TG: variants seen among roughly 807,000 people sequenced by gnomAD.
TG encodes thyroglobulin.
TG carries 270 observed loss-of-function variants against 324.7 expected under a neutral mutation model. That is an observed-to-expected ratio of 0.83 (90% CI 0.75 to 0.92). The LOEUF is 0.92. TG is among the 40% of genes least tolerant of loss of function. The pLI, the probability that TG is intolerant of heterozygous loss-of-function variation, is 0.00. For missense variants in TG, 3,591 were observed against 3,456.4 expected (o/e 1.04, Z -0.98); for synonymous variants, 1,401 against 1,327.0 (o/e 1.06, Z -1.21).
chr8:133,007,036 T>C (rs1287641676), intron 35 of TG, among the ~76,000 whole-genome samples: 1 of 152,186 alleles, frequency 6.6e-6, no homozygotes, highest in African/African-American at 2.4e-5. Context: ...CAGGGAGATA[T>C]TTGTTGAAGT....
rs1467203432 is a variant in TG, at chr8:132,911,495, A to G, written c.4121A>G (p.Asp1374Gly). ...GTTACATGGAAATCACGGCTTGAGG[A>G]CATCCCAGTGGCTTCTCTTCCTGAC... is the stretch of plus-strand genomic sequence containing the variant. The part of the protein sequence containing the change: ...VNVTWKSRLE[D>G]IPVASLPDLH... Residue 1374 changes from aspartate (D) to glycine (G), a missense_variant, in exon 19 of 48, where the codon GAC (aspartate) becomes GGC (glycine). Physicochemically the swap from Asp to Gly is moderately conservative, Grantham distance 94. Transcript: ENST00000220616. The G allele has an allele frequency of 6.2e-7, 1 of 1,614,116 alleles. No individual in the cohort carries two copies. Among genetic ancestry groups the G allele is most frequent in the Non-Finnish European group, 8.5e-7 (1 of 1,180,010 alleles).
chr8:132,878,257 G>T (rs1049485790), intron 5 of TG, among the ~76,000 whole-genome samples: 1 of 152,138 alleles, frequency 6.6e-6, no homozygotes, highest in African/African-American at 2.4e-5. Flanking sequence ...TGCCACAGGG[G>T]ACCATCTGAC....
chr8:133,025,690 T>G (rs1217092764), intron 40 of TG, among the ~76,000 whole-genome samples: 2 of 152,158 alleles, frequency 1.3e-5, no homozygotes, highest in Admixed American at 1.3e-4. Flanking sequence ...ACAGGATCAT[T>G]TTGTTGCCCT....
At chr8:133,021,761 T>C (rs759538983) in intron 39 of TG, among the ~76,000 whole-genome samples, 11 of 152,194 alleles carry the variant, frequency 7.2e-5, no homozygotes, top group Non-Finnish European at 1.5e-4. Flanking sequence ...GACTTCATTT[T>C]ACCTTAATTA....
chr8:133,119,772 G>T (rs761435764), intron 45 of TG, among the ~76,000 whole-genome samples: 3 of 152,198 alleles, frequency 2.0e-5, no homozygotes, highest in Admixed American at 6.5e-5. Context: ...AGGACAAGCA[G>T]CTGGTTAGTT....
intron 41 of TG, among the ~76,000 whole-genome samples, chr8:133,043,456 A>G (rs1294729466): frequency 2.0e-5 from 3 of 152,108 alleles, no homozygotes; most frequent in Non-Finnish European, 4.4e-5. Flanking sequence ...CTGGCTGCTA[A>G]GTTTTCGGAT....
chr8:132,927,725 C>A (rs1822084970), intron 22 of TG, among the ~76,000 whole-genome samples: 1 of 152,146 alleles, frequency 6.6e-6, no homozygotes, highest in Non-Finnish European at 1.5e-5. Flanking sequence ...GTATTTTTGG[C>A]AGAATTTAAT....
rs1564071169 is a variant in TG, at chr8:133,011,960, A to C, written c.6322A>C (p.Arg2108=). The change falls in exon 36 of 48, where the codon AGG becomes CGG. Residue 2108 remains arginine (R), a synonymous_variant. Transcript: ENST00000220616. ...TTCAGTGGTTGTTGATCCATCCATT[A>C]GGCACTTTGATGTTGCCCATGTCAG... ...LSSVVVDPSI[R]HFDVAHVSTA... is the part of the protein sequence containing the mutation. The C allele has an allele frequency of 6.2e-7, 1 of 1,614,156 alleles. No homozygotes were observed. The highest frequency in any genetic ancestry group is 2.2e-5 in the East Asian group (1 of 44,876).
In TG at chr8:132,897,716, G is replaced by A. The variant is rs1183155165; in HGVS notation, c.3069G>A (p.Arg1023=). 3.7e-6 allele frequency: 6 copies of A among 1,614,264 alleles called. No individual in the cohort carries two copies. The East Asian group carries it at 1.1e-4, about 30-fold the overall frequency. The change falls in exon 12 of 48, where the codon CGG becomes CGA. Residue 1023 remains arginine (R), a synonymous_variant. Coordinates refer to ENST00000220616, the MANE Select transcript of TG (RefSeq NM_003235.5). ...DDSAGASALL[R]SGPYMPQCDA... ...CGGCTGGAGCATCCGCCCTTCTGCG[G>A]TCGGGCCCCTACATGCCACAGTGTG... is the stretch of plus-strand genomic sequence containing the variant.
chr8:133,023,416 T>G (rs1285518765), intron 40 of TG, among the ~76,000 whole-genome samples: 4 of 152,046 alleles, frequency 2.6e-5, no homozygotes, highest in Non-Finnish European at 4.4e-5. Flanking sequence ...TTTCCAAATC[T>G]CAGTTTTCTT....
chr8:132,928,925 T>C (rs1822280826), intron 22 of TG, 151 bp from the exon 23 acceptor site: 1 of 701,720 alleles, frequency 1.4e-6, no homozygotes, highest in Non-Finnish European at 2.6e-6. Context: ...ATGTTGGAGC[T>C]ACCTTACAAA....
intron 10 of TG, among the ~76,000 whole-genome samples, chr8:132,892,812 TTATGTGTGTGGTGTGTGTG>T (rs1028070538): frequency 6.9e-6 from 1 of 144,646 alleles, no homozygotes; most frequent in African/African-American, 2.6e-5. Flanking sequence ...GTGTGTGTGT[TTATGTGTGTGGTGTGTGTG>T]TATGTGTGTG....
intron 34 of TG, among the ~76,000 whole-genome samples, chr8:132,982,720 T>C (rs946305104): frequency 6.6e-6 from 1 of 152,188 alleles, no homozygotes; most frequent in Non-Finnish European, 1.5e-5. Context: ...TGTAATTTTG[T>C]CATAATTCTC....
At chr8:133,049,819 G>A in intron 41 of TG, 1 of 946,944 alleles carries the variant, frequency 1.1e-6, no homozygotes, top group South Asian at 1.3e-5. Context: ...TTACCACTAT[G>A]AATGCTGGAA....
intron 43 of TG, among the ~76,000 whole-genome samples, chr8:133,108,411 CTGAA>C (rs1850003964): frequency 6.6e-6 from 1 of 152,150 alleles, no homozygotes; most frequent in African/African-American, 2.4e-5. Flanking sequence ...CCTGGCCTGT[CTGAA>C]TGGGGCTCAA....
chr8:132,964,731 T>A, intron 29 of TG: 1 of 593,694 alleles, frequency 1.7e-6, no homozygotes, highest in Non-Finnish European at 3.0e-6. Flanking sequence ...CCAGACATTT[T>A]TGAGCACATG....
intron 41 of TG, among the ~76,000 whole-genome samples, chr8:133,080,674 G>A (rs917323430): frequency 2.6e-5 from 4 of 152,058 alleles, no homozygotes; most frequent in African/African-American, 9.7e-5. Flanking sequence ...CTCCTTATCA[G>A]CCCCATGGCA....
chr8:133,056,130 T>C (rs1289478449), intron 41 of TG, among the ~76,000 whole-genome samples: 1 of 152,224 alleles, frequency 6.6e-6, no homozygotes, highest in African/African-American at 2.4e-5. Flanking sequence ...TTTGACATAG[T>C]TGACAGCACT....
At chr8:133,125,580 A>G (rs545122490) in intron 45 of TG, among the ~76,000 whole-genome samples, 5 of 152,342 alleles carry the variant, frequency 3.3e-5, no homozygotes, top group African/African-American at 1.2e-4. Flanking sequence ...GAAGAAAGCA[A>G]CCACAACTGA....
Sources: allele counts gnomAD v4.1 joint callset (sites outside exome capture counted in the v4.1 genomes callset), GRCh38; gene constraint gnomAD v4.1.1; transcripts MANE v1.5; gene names NCBI Gene and HGNC (gene_info 2026-07-23, HGNC 2026-07-21).